The following RP1 variants were observed in gnomAD, a reference collection of about 807,000 sequenced individuals.
RP1 encodes oxygen-regulated protein 1.
In RP1, 16 loss-of-function variants were observed where a neutral mutation model predicts 14.8. That is an observed-to-expected ratio of 1.08 (90% CI 0.73 to 1.65). The LOEUF is 1.65. Ranked by LOEUF, RP1 falls within the 40% of genes most tolerant of loss-of-function variation. The pLI is 0.00. For missense variants in RP1, 2,631 were observed against 2,535.0 expected (o/e 1.04, Z -0.81); for synonymous variants, 876 against 883.6 (o/e 0.99, Z 0.15).
intron 12 of RP1, among the ~76,000 whole-genome samples, chr8:54,680,815 G>A (rs532413824): frequency 1.8e-4 from 28 of 152,030 alleles, no homozygotes; most frequent in African/African-American, 6.0e-4. Flanking sequence ...AAAATTAGCC[G>A]GGCGTGGTGG....
chr8:54,603,065 G>A (rs575828841), intron 1 of RP1, among the ~76,000 whole-genome samples: 3 of 152,134 alleles, frequency 2.0e-5, no homozygotes, highest in Non-Finnish European at 2.9e-5. Flanking sequence ...GTCAATTTTT[G>A]TTTTTGTTGC....
chr8:54,832,295 C>T (rs1247312498), intron 24 of RP1, among the ~76,000 whole-genome samples: 1 of 151,636 alleles, frequency 6.6e-6, no homozygotes, highest in Admixed American at 6.6e-5. Flanking sequence ...TTAATTGATA[C>T]TGTCTCATAG....
At chr8:54,698,475 G>T (rs1017327596) in intron 12 of RP1, among the ~76,000 whole-genome samples, 1 of 152,204 alleles carries the variant, frequency 6.6e-6, no homozygotes, top group Non-Finnish European at 1.5e-5. Context: ...GGAAGACAGT[G>T]TGGTGATTCC....
At position 54,628,385 on chromosome 8, in the gene RP1, T is replaced by G. The variant is rs769348705; in HGVS notation, c.4503T>G (p.Ser1501Arg). The G allele has an allele frequency of 6.2e-7, 1 of 1,613,482 alleles. No homozygotes were observed. The change falls in exon 4 of 4, where the codon AGT (serine) becomes AGG (arginine). Residue 1501 changes from serine to arginine, a missense_variant. By Grantham distance (110) the Ser-to-Arg change is moderately radical. Coordinates refer to ENST00000220676, the MANE Select transcript of RP1 (RefSeq NM_006269.2). Reference protein sequence around the residue: ...EELIQEEVEASKTLELIDISS... With the variant: ...EELIQEEVEARKTLELIDISS... ...TAATCCAAGAAGAGGTAGAGGCTAG[T>G]AAAACTTTAGAATTGATAGACATCT...
In RP1 at chr8:54,591,675, T is replaced by C. The variant is rs183413421; in HGVS notation, c.-12-29280T>C. Among the ~76,000 whole-genome samples, 19 of 152,292 alleles carry C rather than the reference T, an allele frequency of 1.2e-4. No individual in the cohort carries two copies. The East Asian group carries it at 3.5e-3, about 28-fold the overall frequency. ...CAAACTTAGTACTAAAACAAACATT[T>C]ATTGAGCTCACAATCCTTTGGGTGG... On this transcript the variant is annotated intron_variant, in intron 1 of 22. Transcript: ENST00000636932.
At chr8:54,821,376 AC>A (rs1189457777) in intron 24 of RP1, among the ~76,000 whole-genome samples, 1 of 152,198 alleles carries the variant, frequency 6.6e-6, no homozygotes, top group Non-Finnish European at 1.5e-5. Flanking sequence ...TCCAAAAAAA[AC>A]AGATGCTTGA....
intron 1 of RP1, chr8:54,560,166 G>A (rs555008207): frequency 6.6e-5 from 10 of 152,292 alleles, no homozygotes; most frequent in African/African-American, 2.4e-4. Flanking sequence ...CTGCAGCCAA[G>A]TGCCTCGGAA....
chr8:54,839,956 T>C (rs1811751001), intron 25 of RP1, among the ~76,000 whole-genome samples: 1 of 152,202 alleles, frequency 6.6e-6, no homozygotes, highest in Admixed American at 6.5e-5. Context: ...CTAATGGTTC[T>C]TTGTAGCTGT....
chr8:54,560,114 G>T (rs765963708), intron 1 of RP1, among the ~76,000 whole-genome samples: 2 of 152,154 alleles, frequency 1.3e-5, no homozygotes, highest in Non-Finnish European at 2.9e-5. Context: ...GTGGAGGCTG[G>T]GGTGGGTCTG....
At chr8:54,856,839 A>G (rs1367572839) in intron 26 of RP1, among the ~76,000 whole-genome samples, 2 of 152,196 alleles carry the variant, frequency 1.3e-5, no homozygotes, top group African/African-American at 4.8e-5. Context: ...AGCAAGAATT[A>G]TATTCTACAT....
Position 54,862,528 on chromosome 8 carries a change from A to C in RP1, c.4070-3307A>C, listed in dbSNP as rs375847346. On this transcript the variant is annotated intron_variant, in intron 27 of 28. Coordinates refer to the RP1 transcript ENST00000637698. ...GTAAAGGTAAAGGTCCTCTAATAAA[A>C]AGTGATTTACAAAAAAGATTTTTTA... Among the ~76,000 whole-genome samples, 16 of 152,290 alleles carry C rather than the reference A, an allele frequency of 1.1e-4. No homozygotes were observed. The East Asian group carries it at 3.1e-3, about 29-fold the overall frequency.
At chr8:54,803,288 GGA>G (rs1256702837) in intron 24 of RP1, among the ~76,000 whole-genome samples, 2 of 152,168 alleles carry the variant, frequency 1.3e-5, no homozygotes, top group Non-Finnish European at 2.9e-5. Context: ...GGACGGGACT[GGA>G]GAGAGACACG....
At position 54,670,500 on chromosome 8, in the gene RP1, T is replaced by C. The variant is rs1445624816; in HGVS notation, c.1324-3350T>C. 5.1e-5 allele frequency among the ~76,000 whole-genome samples: 3 copies of C among 59,036 alleles called. 1 individual carries two copies. Among genetic ancestry groups the C allele is most frequent in the Admixed American group, 5.1e-4 (3 of 5,918 alleles). 38.7% of individuals were successfully genotyped at this position (59,036 alleles called of 152,430 possible). On this transcript the variant is annotated intron_variant, in intron 7 of 22. Transcript: ENST00000636932. ...AGGTTTACATATGTAAGTATGTATA[T>C]ATATACACATATATATGTATGTGTA...
chr8:54,816,945 C>CTTT (rs1227271940), intron 24 of RP1, among the ~76,000 whole-genome samples: 1 of 152,040 alleles, frequency 6.6e-6, no homozygotes, highest in Admixed American at 6.6e-5. Flanking sequence ...GCTTGCAGTG[C>CTTT]TTTCTCTCCT....
intron 1 of RP1, among the ~76,000 whole-genome samples, chr8:54,586,145 T>C (rs181700973): frequency 1.3e-5 from 2 of 152,288 alleles, no homozygotes; most frequent in African/African-American, 4.8e-5. Flanking sequence ...CCTTGGGTCT[T>C]TGATGATGGT....
Position 54,811,058 on chromosome 8 carries a change from C to G in RP1, c.3616-26392C>G, listed in dbSNP as rs185098877. Among the ~76,000 whole-genome samples, 348 of 152,278 alleles carry G rather than the reference C, an allele frequency of 2.3e-3. 3 individuals carry two copies. The highest frequency in any genetic ancestry group is 8.1e-3 in the African/African-American group (335 of 41,542). On this transcript the variant is annotated intron_variant, in intron 24 of 28. Coordinates refer to the RP1 transcript ENST00000637698. The stretch of plus-strand genomic sequence containing the variant: ...AAACCCTTGTTGGTTGTTTCTAGGT[C>G]TTTTGCTACCCTGAAGCATCCTCAT...
intron 15 of RP1, among the ~76,000 whole-genome samples, chr8:54,715,049 A>G (rs1314296427): frequency 1.3e-5 from 2 of 152,234 alleles, no homozygotes; most frequent in East Asian, 1.9e-4. Flanking sequence ...TGCTTTGTTT[A>G]TTGAAATATC....
chr8:54,706,543 C>T (rs1048298040), exon 15 of RP1: 2 of 1,535,828 alleles, frequency 1.3e-6, no homozygotes, highest in Non-Finnish European at 1.7e-6. Context: ...GGAAGCCAGT[C>T]TGAAAAATCC....
At chr8:54,639,732 G>A (rs2129322013) in intron 3 of RP1, among the ~76,000 whole-genome samples, 1 of 152,230 alleles carries the variant, frequency 6.6e-6, no homozygotes, top group South Asian at 2.1e-4. Flanking sequence ...TTTATTTTCT[G>A]TTGGGCATTT....
Sources: allele counts gnomAD v4.1 joint callset (sites outside exome capture counted in the v4.1 genomes callset), GRCh38; gene constraint gnomAD v4.1.1; transcripts MANE v1.5; gene names NCBI Gene and HGNC (gene_info 2026-07-23, HGNC 2026-07-21).